Variants in MAGI2 observed in about 807,000 individuals in gnomAD.
The protein encoded by MAGI2 is membrane-associated guanylate kinase, WW and PDZ domain-containing protein 2.
A neutral mutation model predicts 133.3 loss-of-function variants in MAGI2; 35 were observed. The ratio of observed to expected loss-of-function variants is 0.26; its 90% CI spans 0.20 to 0.35. The LOEUF is 0.35. Ranked by LOEUF, MAGI2 falls within the 10% of genes least tolerant of loss-of-function variation. MAGI2 has a pLI of 1.00. For missense variants in MAGI2, 1,636 were observed against 1,863.4 expected, an observed-to-expected ratio of 0.88 and a Z score of 2.25; for synonymous variants, 729 against 710.6, an observed-to-expected ratio of 1.03 and a Z score of -0.41.
intron 1 of MAGI2, among the ~76,000 whole-genome samples, chr7:79,184,316 C>A (rs1057054763): frequency 9.9e-5 from 15 of 151,294 alleles, no homozygotes; most frequent in Admixed American, 9.9e-4. Context: ...AATGTGTAGT[C>A]ACTGCACAGG....
At chr7:78,150,602 T>C (rs1439021419) in intron 16 of MAGI2, among the ~76,000 whole-genome samples, 1 of 152,128 alleles carries the variant, frequency 6.6e-6, no homozygotes, top group Non-Finnish European at 1.5e-5. Context: ...TACTATCTAG[T>C]GAATAAGAAG....
intron 1 of MAGI2, among the ~76,000 whole-genome samples, chr7:79,028,755 C>G (rs946169794): frequency 1.8e-4 from 28 of 152,184 alleles, no homozygotes; most frequent in Admixed American, 1.5e-3. Flanking sequence ...CTCGGTGCTA[C>G]TTTTAAAAGT....
intron 3 of MAGI2, among the ~76,000 whole-genome samples, chr7:78,541,213 C>T (rs887845851): frequency 6.6e-6 from 1 of 152,138 alleles, no homozygotes; most frequent in African/African-American, 2.4e-5. Flanking sequence ...TTAAACATTA[C>T]AGCATCCTAT....
chr7:78,459,467 A>T (rs1454437456), intron 6 of MAGI2, among the ~76,000 whole-genome samples: 1 of 152,212 alleles, frequency 6.6e-6, no homozygotes, highest in Non-Finnish European at 1.5e-5. Context: ...GAATATTTAA[A>T]ACCTCTTAAG....
intron 2 of MAGI2, among the ~76,000 whole-genome samples, chr7:78,652,763 CA>C (rs1316025675): frequency 3.9e-5 from 6 of 152,052 alleles, no homozygotes; most frequent in Non-Finnish European, 8.8e-5. Flanking sequence ...GCAATAGCAA[CA>C]AAAGTCAAAA....
intron 6 of MAGI2, among the ~76,000 whole-genome samples, chr7:78,373,644 A>C (rs1794154101): frequency 1.3e-5 from 2 of 152,094 alleles, no homozygotes. Context: ...CAGGTGTCTT[A>C]TCTGGGTATA....
At chr7:79,146,757 C>A (rs1005014258) in intron 1 of MAGI2, among the ~76,000 whole-genome samples, 2 of 152,190 alleles carry the variant, frequency 1.3e-5, no homozygotes, top group Admixed American at 1.3e-4. Flanking sequence ...GTGCATTAAA[C>A]CTATTTCCTT....
intron 2 of MAGI2, among the ~76,000 whole-genome samples, chr7:78,814,616 G>T (rs1351141880): frequency 2.0e-5 from 3 of 151,544 alleles, no homozygotes; most frequent in African/African-American, 7.3e-5. Context: ...TTATGTCTTT[G>T]TGTGTGTGTG....
chr7:78,775,040 G>C (rs1419197929), intron 2 of MAGI2, among the ~76,000 whole-genome samples: 1 of 151,774 alleles, frequency 6.6e-6, no homozygotes, highest in Non-Finnish European at 1.5e-5. Flanking sequence ...AGGGCCGGGC[G>C]CAGTGGCTCA....
At chr7:78,645,761 C>T (rs1302380495) in intron 2 of MAGI2, among the ~76,000 whole-genome samples, 1 of 148,018 alleles carries the variant, frequency 6.8e-6, no homozygotes, top group African/African-American at 2.5e-5. Flanking sequence ...TTCCCCGAGA[C>T]ATTGTCATTC....
In MAGI2 at chr7:78,895,671, GGGCTC is replaced by G. The variant is rs373133684; in HGVS notation, c.418+111414_418+111418del. 5.5e-4 allele frequency among the ~76,000 whole-genome samples: 83 copies of G among 152,264 alleles called. 1 individual carries two copies. The East Asian group carries it at 0.014, about 25-fold the overall frequency. On this transcript the variant is annotated intron_variant, in intron 2 of 21. Coordinates refer to ENST00000354212, the MANE Select transcript of MAGI2 (RefSeq NM_012301.4). ...TGAAAGATGAAGGCAAAGGCTCCAA[GGGCTC>G]GCTATTAAACACAGAGCATTATTTG... is the stretch of plus-strand genomic sequence containing the variant.
chr7:78,367,859 A>G (rs1004509574), intron 7 of MAGI2, among the ~76,000 whole-genome samples: 1 of 152,196 alleles, frequency 6.6e-6, no homozygotes, highest in African/African-American at 2.4e-5. Flanking sequence ...TAGGTACTTT[A>G]ATTCATCAGC....
At chr7:78,767,760 G>A (rs1056855319) in intron 2 of MAGI2, among the ~76,000 whole-genome samples, 3 of 152,128 alleles carry the variant, frequency 2.0e-5, no homozygotes, top group Non-Finnish European at 2.9e-5. Context: ...TTTCCTTTAC[G>A]TGCCACAGGC....
chr7:78,998,644 G>T (rs1346043707), intron 2 of MAGI2, among the ~76,000 whole-genome samples: 1 of 152,164 alleles, frequency 6.6e-6, no homozygotes, highest in African/African-American at 2.4e-5. Context: ...CATTAGAATA[G>T]CAGTGACTTT....
chr7:78,537,873 T>G (rs1798085792), intron 3 of MAGI2, among the ~76,000 whole-genome samples: 1 of 152,230 alleles, frequency 6.6e-6, no homozygotes, highest in African/African-American at 2.4e-5. Context: ...TTTATCTTTT[T>G]GTTGTATTTG....
chr7:78,218,278 G>A (rs554560182), intron 10 of MAGI2, among the ~76,000 whole-genome samples: 10 of 152,354 alleles, frequency 6.6e-5, no homozygotes, highest in African/African-American at 2.4e-4. Context: ...TGCCTTTGCA[G>A]ATGTACATAC....
intron 7 of MAGI2, among the ~76,000 whole-genome samples, chr7:78,353,721 A>G (rs971148770): frequency 2.0e-5 from 3 of 152,172 alleles, no homozygotes; most frequent in African/African-American, 7.2e-5. Flanking sequence ...TTTTAGGAAG[A>G]GAGTAGTAGA....
At chr7:79,115,188 C>T (rs76475877) in intron 1 of MAGI2, among the ~76,000 whole-genome samples, 1 of 152,080 alleles carries the variant, frequency 6.6e-6, no homozygotes, top group Non-Finnish European at 1.5e-5. Context: ...GAAAACCTGT[C>T]TACCTTAAGA....
rs976474008 is a variant in MAGI2, at chr7:78,774,513, C to T, written c.419-147274G>A. On this transcript the variant is annotated intron_variant, in intron 2 of 21. Coordinates refer to ENST00000354212, the MANE Select transcript of MAGI2 (RefSeq NM_012301.4). Reference sequence around the variant, plus strand: ...GATTCTTCCTGTCTCTTATCCTGAACCAGCTTTCTTTTCTTGCATGCTGTC... The same window carrying T: ...GATTCTTCCTGTCTCTTATCCTGAATCAGCTTTCTTTTCTTGCATGCTGTC... Among the ~76,000 whole-genome samples the T allele has an allele frequency of 1.8e-4, 28 of 152,162 alleles. 1 individual carries two copies. The highest frequency in any genetic ancestry group is 1.5e-5 in the Non-Finnish European group (1 of 68,038).
Sources: allele counts gnomAD v4.1 joint callset (sites outside exome capture counted in the v4.1 genomes callset), GRCh38; gene constraint gnomAD v4.1.1; transcripts MANE v1.5; gene names NCBI Gene and HGNC (gene_info 2026-07-23, HGNC 2026-07-21).